The following NAA15 variants were observed in gnomAD, a reference collection of about 807,000 sequenced individuals.
NAA15 encodes the protein N-terminal acetyltransferase.
In NAA15, 34 loss-of-function variants were observed where a neutral mutation model predicts 114.0. The observed-to-expected ratio is 0.30, with a 90% CI of 0.23 to 0.40. NAA15 has a LOEUF of 0.40. Ranked by LOEUF, NAA15 falls within the 10% of genes least tolerant of loss-of-function variation. NAA15 has a pLI of 1.00. For missense variants in NAA15, 658 were observed against 1,004.5 expected, an observed-to-expected ratio of 0.66 and a Z score of 4.66; for synonymous variants, 340 against 338.0, an observed-to-expected ratio of 1.01 and a Z score of -0.06.
Position 139,357,399 on chromosome 4 carries a change from G to A in NAA15, c.1101G>A (p.Glu367=), listed in dbSNP as rs1216093427. ...TCTTCTCCTAAGATGATGGAAAGGA[G>A]GAACCACCAACCACATTACTTTGGG... ...RLFNPNDDGK[E]EPPTTLLWVQ... The change falls in exon 11 of 20, where the codon GAG becomes GAA. Residue 367 remains glutamate (E), a synonymous_variant. Coordinates refer to ENST00000296543, the MANE Select transcript of NAA15 (RefSeq NM_057175.5). The A allele has an allele frequency of 6.2e-7, 1 of 1,613,644 alleles. No homozygotes were observed. Among genetic ancestry groups the A allele is most frequent in the Non-Finnish European group, 8.5e-7 (1 of 1,179,806 alleles).
At chr4:139,373,705 T>C (rs1334254365) in intron 15 of NAA15, among the ~76,000 whole-genome samples, 2 of 148,482 alleles carry the variant, frequency 1.3e-5, no homozygotes, top group East Asian at 3.9e-4. Context: ...TTTGTTTGCT[T>C]TTTTTTTTTT....
chr4:139,372,711 G>C (rs548889907), intron 15 of NAA15, among the ~76,000 whole-genome samples: 1 of 151,974 alleles, frequency 6.6e-6, no homozygotes, highest in Admixed American at 6.6e-5. Context: ...GCAGTATATA[G>C]TATCTCCCCC....
intron 9 of NAA15, among the ~76,000 whole-genome samples, chr4:139,352,598 G>T (rs892165550): frequency 1.3e-5 from 2 of 150,918 alleles, no homozygotes; most frequent in Non-Finnish European, 3.0e-5. Flanking sequence ...GAGACCCAAC[G>T]TATGGGCTTT....
intron 3 of NAA15, among the ~76,000 whole-genome samples, chr4:139,339,138 A>T (rs1206387163): frequency 6.6e-6 from 1 of 152,154 alleles, no homozygotes; most frequent in Non-Finnish European, 1.5e-5. Flanking sequence ...TGATCTCAGA[A>T]AGAAACGTTA....
intron 3 of NAA15, among the ~76,000 whole-genome samples, chr4:139,339,535 G>T (rs906817899): frequency 1.2e-4 from 18 of 151,870 alleles, no homozygotes; most frequent in Admixed American, 3.3e-4. Context: ...CGGATCACGA[G>T]ATCAGGAGAT....
rs770097657 is a variant in NAA15 at position 139,342,831 on chromosome 4, G to A, written c.408G>A (p.Thr136=). The part of the protein sequence containing the change: ...QMRDLEGYRE[T]RYQLLQLRPA... ...TTATTTTTTTCCTTTTAAAGGAAACGAGGTATCAGTTACTTCAGCTTCGAC... is the reference window on the plus strand; with the variant it reads ...TTATTTTTTTCCTTTTAAAGGAAACAAGGTATCAGTTACTTCAGCTTCGAC... Residue 136 remains threonine (T), a synonymous_variant, in exon 5 of 20, where the codon ACG becomes ACA. Transcript: ENST00000296543. 1.3e-5 allele frequency: 21 copies of A among 1,607,240 alleles called. No individual in the cohort carries two copies. In the Admixed American group the frequency reaches 1.9e-4, roughly 14 times the overall value.
At position 139,360,642 on chromosome 4, in the gene NAA15, A is replaced by G. The variant is rs1475057357; in HGVS notation, c.1539+14A>G. ...GAGATTGAGAGAGTAAGTACCTTCT[A>G]CATAAAAGTTTTCTTGTTTTATTCT... On this transcript the variant is annotated intron_variant, in intron 13 of 19. Coordinates refer to ENST00000296543, the MANE Select transcript of NAA15 (RefSeq NM_057175.5). 2 of 1,564,362 alleles carry G rather than the reference A, an allele frequency of 1.3e-6. No homozygotes were observed. Among genetic ancestry groups the G allele is most frequent in the Non-Finnish European group, 1.7e-6 (2 of 1,159,210 alleles).
At chr4:139,377,538 C>CA (rs34989554) in intron 16 of NAA15, among the ~76,000 whole-genome samples, 41,223 of 140,550 alleles carry the variant, frequency 0.29, 5,951 homozygotes, top group African/African-American at 0.39. Context: ...AACTCCATCT[C>CA]AAAAAAAAAA....
chr4:139,341,722 A>AT (rs1394645203), intron 4 of NAA15, among the ~76,000 whole-genome samples: 46 of 149,880 alleles, frequency 3.1e-4, no homozygotes, highest in Middle Eastern at 6.9e-3. Flanking sequence ...CAAAAAAAAA[A>AT]TTTTTTTTTT....
At position 139,378,763 on chromosome 4, in the gene NAA15, T is replaced by A; in HGVS notation, c.2064T>A (p.Phe688Leu). Residue 688 changes from phenylalanine to leucine, a missense_variant, in exon 17 of 20, where the codon TTT becomes TTA. This residue lies in a region of NAA15 where 275 missense variants were observed against 371.1 expected (regional missense o/e 0.74). Transcript: ENST00000296543. ...TACTTTCTCTTTTTATAGAAAAGTT[T>A]CTTTTGATGCTACAATCAGTAAAGA... ...AFEIYFRKEKFLLMLQSVKRA... is the reference protein window; with the variant it reads ...AFEIYFRKEKLLLMLQSVKRA... 6.4e-7 allele frequency: 1 copy of A among 1,555,456 alleles called. No homozygotes were observed. The highest frequency in any genetic ancestry group is 8.6e-7 in the Non-Finnish European group (1 of 1,156,916).
At chr4:139,359,956 A>G (rs879392424) in intron 12 of NAA15, 61 bp downstream of exon 12, 12 of 1,429,108 alleles carry the variant, frequency 8.4e-6, no homozygotes, top group South Asian at 1.5e-5. Flanking sequence ...TCATACTTGT[A>G]TAACATGCTT....
chr4:139,335,210 CT>C (rs1269404700), intron 2 of NAA15, among the ~76,000 whole-genome samples: 2 of 152,062 alleles, frequency 1.3e-5, no homozygotes, highest in Non-Finnish European at 1.5e-5. Flanking sequence ...ATTTATCTCT[CT>C]TTTTCCATAT....
At chr4:139,332,741 C>T (rs1168839690) in intron 1 of NAA15, among the ~76,000 whole-genome samples, 1 of 151,676 alleles carries the variant, frequency 6.6e-6, no homozygotes, top group Non-Finnish European at 1.5e-5. Context: ...GCCAGCAGGC[C>T]TGGCTAATTT....
chr4:139,319,498 T>TG (rs1307658533), intron 1 of NAA15, among the ~76,000 whole-genome samples: 1 of 152,142 alleles, frequency 6.6e-6, no homozygotes, highest in Non-Finnish European at 1.5e-5. Flanking sequence ...TGTAGTGACA[T>TG]GGTCATGGCT....
Position 139,325,229 on chromosome 4 carries a change from A to C in NAA15, c.55-8945A>C, listed in dbSNP as rs12505252. On this transcript the variant is annotated intron_variant, in intron 1 of 19. Coordinates refer to ENST00000296543, the MANE Select transcript of NAA15 (RefSeq NM_057175.5). Reference sequence around the variant, plus strand: ...CATTTTTATTGTCCATTTGATTATAAGACTGGGTAAGCAATGTAACAGTTG... The same window carrying C: ...CATTTTTATTGTCCATTTGATTATACGACTGGGTAAGCAATGTAACAGTTG... Among the ~76,000 whole-genome samples, 103 of 152,306 alleles carry C rather than the reference A, an allele frequency of 6.8e-4. 1 individual carries two copies. Among genetic ancestry groups the C allele is most frequent in the Admixed American group, 5.7e-3 (87 of 15,298 alleles).
Position 139,301,668 on chromosome 4 carries a change from C to T in NAA15, c.-110C>T, listed in dbSNP as rs537112516. 1.4e-4 allele frequency: 177 copies of T among 1,278,702 alleles called. No homozygotes were observed. The African/African-American group carries it at 2.4e-3, about 17-fold the overall frequency. 79.2% of individuals were successfully genotyped at this position (1,278,702 alleles called of 1,614,324 possible). ...GACACCCGAGGCCTGGTGGTGGCGG[C>T]GGATCGAGATATTCAAGGCTGAAGC... On this transcript the variant is annotated 5_prime_UTR_variant, in exon 1 of 20. Transcript: ENST00000296543.
intron 1 of NAA15, among the ~76,000 whole-genome samples, chr4:139,329,958 C>T (rs1284421240): frequency 6.6e-6 from 1 of 152,178 alleles, no homozygotes; most frequent in African/African-American, 2.4e-5. Context: ...TAGAGCTCAT[C>T]ATGTTTGTTT....
At chr4:139,349,957 C>T (rs552663022) in intron 7 of NAA15, among the ~76,000 whole-genome samples, 1 of 151,772 alleles carries the variant, frequency 6.6e-6, no homozygotes, top group Non-Finnish European at 1.5e-5. Flanking sequence ...CTGCATTCCA[C>T]CCTGGGCAAC....
intron 1 of NAA15, among the ~76,000 whole-genome samples, chr4:139,329,293 T>G (rs72726510): frequency 0.01 from 1,541 of 152,362 alleles, 15 homozygotes; most frequent in Middle Eastern, 0.024. Context: ...TTATAATAGT[T>G]GTTTTAACTT....
Sources: gnomAD v4.1 joint callset for allele counts (sites outside exome capture counted in the v4.1 genomes callset) on GRCh38, gnomAD v4.1.1 for gene constraint, gnomAD v4.1.1 regional missense constraint, MANE v1.5 for transcripts, NCBI Gene and HGNC (gene_info 2026-07-23, HGNC 2026-07-21) for gene names.